The following FGF13 variants were observed in gnomAD, a reference collection of about 807,000 sequenced individuals.
FGF13 encodes the protein fibroblast growth factor homologous factor 2.
A neutral mutation model predicts 19.5 loss-of-function variants in FGF13; 2 were observed. The ratio of observed to expected loss-of-function variants is 0.10; its 90% CI spans 0.04 to 0.32. The LOEUF (loss-of-function observed/expected upper bound fraction) is 0.32, where lower values mean the gene tolerates loss of function less well. Among genes scored for constraint, FGF13 ranks in the 10% least tolerant of loss-of-function variants. The pLI, the probability that FGF13 is intolerant of heterozygous loss-of-function variation, is 1.00. For synonymous variants in FGF13, 72 were observed against 76.9 expected (o/e 0.94, Z 0.33); for missense variants, 113 against 192.7 (o/e 0.59, Z 2.45).
chrX:138,815,262 T>G (rs1164499186), intron 3 of FGF13, among the ~76,000 whole-genome samples: 1 of 110,690 alleles, frequency 9.0e-6, no homozygotes, highest in Non-Finnish European at 1.9e-5. Context: ...ATCTTACATA[T>G]AGCATGATGA....
intron 4 of FGF13, among the ~76,000 whole-genome samples, chrX:138,635,059 A>G (rs2089167537): frequency 8.9e-6 from 1 of 112,520 alleles, no homozygotes; most frequent in Non-Finnish European, 1.9e-5. Flanking sequence ...AATACTACTC[A>G]GCCATAAAAA....
intron 2 of FGF13, among the ~76,000 whole-genome samples, chrX:138,859,514 C>T (rs1055460030): frequency 8.9e-6 from 1 of 112,335 alleles, no homozygotes; most frequent in African/African-American, 3.2e-5. Flanking sequence ...TGACAGATAA[C>T]AGTAAACTGT....
intron 1 of FGF13, among the ~76,000 whole-genome samples, chrX:139,073,258 C>T (rs943837009): frequency 7.3e-5 from 8 of 109,388 alleles, no homozygotes; most frequent in Admixed American, 6.9e-4. Flanking sequence ...CAGTACAGTG[C>T]AAAGAGCATA....
Position 138,624,188 on chromosome X carries a change from T to G in FGF13, c.*8662A>C, listed in dbSNP as rs1467942062. ...GATTTCAAATTATATTGTAAAGCTA[T>G]AGTAATCAAAACAGTATGGTATTGG... On this transcript the variant is annotated 3_prime_UTR_variant, in exon 5 of 5. Coordinates refer to ENST00000315930, the MANE Select transcript of FGF13 (RefSeq NM_004114.5). 1 of 111,883 alleles carries G rather than the reference T, an allele frequency of 8.9e-6. No homozygotes were observed. Among genetic ancestry groups the G allele is most frequent in the Non-Finnish European group, 1.9e-5 (1 of 53,177 alleles). 9.2% of individuals were successfully genotyped at this position (111,883 alleles called of 1,213,427 possible). A position where few individuals can be genotyped will look rare whatever the true frequency, so the allele number is the denominator to read the frequency against.
chrX:138,855,962 C>CTGTGTGTGTGTGTGTGTGTGTG (rs35763167), downstream of FGF13, among the ~76,000 whole-genome samples: 10 of 101,332 alleles, frequency 9.9e-5, no homozygotes, highest in African/African-American at 2.9e-4. Flanking sequence ...AGTACAAAAA[C>CTGTGTGTGTGTGTGTGTGTGTG]TGTGTGTGTG....
chrX:139,111,685 A>G (rs2083603008), intron 1 of FGF13, among the ~76,000 whole-genome samples: 1 of 111,843 alleles, frequency 8.9e-6, no homozygotes, highest in African/African-American at 3.3e-5. Context: ...GAAAAAACAC[A>G]CGCTGCTGCT....
intron 3 of FGF13, among the ~76,000 whole-genome samples, chrX:138,663,928 G>A (rs1286437350): frequency 9.0e-6 from 1 of 111,331 alleles, no homozygotes; most frequent in Non-Finnish European, 1.9e-5. Context: ...TCATGGTGGG[G>A]AATTCCTTAC....
At position 138,710,887 on chromosome X, in the gene FGF13, G is replaced by C; in HGVS notation, c.117C>G (p.Asp39Glu). ...SSPSKGKTSC[D>E]KNKLNVFSRV... is the part of the protein sequence containing the mutation. ...GGGAAAAGACATTTAACTTGTTTTT[G>C]TCGCAGCTGGTCTTGCCTTTGCTGG... Residue 39 changes from aspartate to glutamate, a missense_variant, in exon 1 of 5, where the codon GAC (aspartate) becomes GAG (glutamate). By Grantham distance (45) the Asp-to-Glu change is conservative (BLOSUM62 2). Transcript: ENST00000315930. 1 of 1,212,181 alleles carries C rather than the reference G, an allele frequency of 8.2e-7. No individual in the cohort carries two copies. Among genetic ancestry groups the C allele is most frequent in the Non-Finnish European group, 1.1e-6 (1 of 895,607 alleles).
At chrX:138,776,695 T>C (rs1023733153) in intron 3 of FGF13, among the ~76,000 whole-genome samples, 1 of 112,180 alleles carries the variant, frequency 8.9e-6, no homozygotes. Context: ...CCTATCTGAA[T>C]ATGCATCTTC....
chrX:139,069,441 T>C, intron 1 of FGF13, among the ~76,000 whole-genome samples: 1 of 74,007 alleles, frequency 1.4e-5, no homozygotes, highest in South Asian at 1.0e-3. Context: ...GGAAGGGGAA[T>C]ATCACACTCT....
intron 3 of FGF13, among the ~76,000 whole-genome samples, chrX:138,801,274 C>T (rs763475749): frequency 8.9e-6 from 1 of 111,831 alleles, no homozygotes; most frequent in African/African-American, 3.2e-5. Context: ...TTTGTGTGGG[C>T]GTCCTTTTTG....
intron 1 of FGF13, among the ~76,000 whole-genome samples, chrX:139,005,425 C>T (rs377316431): frequency 9.0e-6 from 1 of 110,796 alleles, no homozygotes; most frequent in Non-Finnish European, 1.9e-5. Flanking sequence ...TACTTAAGTC[C>T]TTTTGAATAC....
At position 139,121,675 on chromosome X, in the gene FGF13, G is replaced by A. The variant is rs2083678236; in HGVS notation, c.-113+81741C>T. On this transcript the variant is annotated intron_variant, in intron 1 of 2. Transcript: ENST00000421460. ...ACCAAAGTGCTAGGATTATAGATAT[G>A]AGTCACCACCCCAAACTGAGGACTT... 6.3e-5 allele frequency among the ~76,000 whole-genome samples: 7 copies of A among 111,080 alleles called. No homozygotes were observed. In the Admixed American group the frequency reaches 6.7e-4, roughly 11 times the overall value.
At chrX:138,823,998 T>C (rs2091017216) in intron 3 of FGF13, among the ~76,000 whole-genome samples, 1 of 111,929 alleles carries the variant, frequency 8.9e-6, no homozygotes, top group Admixed American at 9.5e-5. Flanking sequence ...TCTGAGCATA[T>C]TTATATTTTG....
chrX:138,862,321 CAG>C (rs1423140379), intron 2 of FGF13, among the ~76,000 whole-genome samples: 1 of 111,855 alleles, frequency 8.9e-6, no homozygotes, highest in African/African-American at 3.3e-5. Flanking sequence ...CGAAAGATAA[CAG>C]AACATAATTA....
rs191696075 is a variant in FGF13, at chrX:138,931,943, A to G, written c.-112-67293T>C. On this transcript the variant is annotated intron_variant, in intron 1 of 2. Transcript: ENST00000421460. ...GGGCCCTTTAGCTAGTGTGTTTCCC[A>G]TGTCCATTCCCCAACAGCTTAGGTG... 3.2e-3 allele frequency among the ~76,000 whole-genome samples: 355 copies of G among 111,288 alleles called. 1 individual carries two copies. The highest frequency in any genetic ancestry group is 4.7e-3 in the Non-Finnish European group (250 of 53,065).
chrX:138,686,537 T>C (rs1163487464), intron 3 of FGF13, among the ~76,000 whole-genome samples: 2 of 111,954 alleles, frequency 1.8e-5, no homozygotes, highest in African/African-American at 3.2e-5. Context: ...TTAATACATG[T>C]TATTTATTCA....
At chrX:138,961,438 C>T (rs770973460) in intron 1 of FGF13, among the ~76,000 whole-genome samples, 4 of 111,214 alleles carry the variant, frequency 3.6e-5, no homozygotes, top group South Asian at 7.7e-4. Context: ...TTAGGCTACT[C>T]GGGGGTCAAG....
chrX:138,971,924 T>G (rs1264267807), intron 1 of FGF13, among the ~76,000 whole-genome samples: 1 of 111,738 alleles, frequency 8.9e-6, no homozygotes, highest in Non-Finnish European at 1.9e-5. Flanking sequence ...TTTTTTAGAT[T>G]CCACATGTAA....
Sources: allele counts gnomAD v4.1 joint callset (sites outside exome capture counted in the v4.1 genomes callset), GRCh38; gene constraint gnomAD v4.1.1; transcripts MANE v1.5; gene names NCBI Gene and HGNC (gene_info 2026-07-23, HGNC 2026-07-21).